Variants in KIAA1328 observed in about 807,000 individuals in gnomAD.
KIAA1328 encodes the protein KIAA1328.
Under a neutral mutation model 68.1 loss-of-function variants are expected in KIAA1328, and 52 were observed. The ratio of observed to expected loss-of-function variants is 0.76; its 90% CI spans 0.61 to 0.96. KIAA1328 has a LOEUF of 0.96. Ranked by LOEUF, KIAA1328 falls within the 40% of genes least tolerant of loss-of-function variation. The pLI, the probability that KIAA1328 is intolerant of heterozygous loss-of-function variation, is 0.00. For synonymous variants in KIAA1328, 232 were observed against 239.4 expected, an observed-to-expected ratio of 0.97 and a Z score of 0.28; for missense variants, 641 against 677.6, an observed-to-expected ratio of 0.95 and a Z score of 0.60.
downstream of KIAA1328, chr18:37,230,860 A>T (rs1230609045): frequency 6.6e-6 from 1 of 152,172 alleles, no homozygotes; most frequent in East Asian, 1.9e-4. Context: ...TTGTAACTTC[A>T]GTGCTTAAAA....
At chr18:36,886,879 A>G (rs766876443) in intron 5 of KIAA1328, among the ~76,000 whole-genome samples, 1 of 152,188 alleles carries the variant, frequency 6.6e-6, no homozygotes, top group Non-Finnish European at 1.5e-5. Flanking sequence ...GATAAATTAC[A>G]ATAATTAGCT....
Position 37,225,123 on chromosome 18 carries a change from A to T in KIAA1328, c.*2896A>T. 1 of 984,922 alleles carries T rather than the reference A, an allele frequency of 1.0e-6. No individual in the cohort carries two copies. The highest frequency in any genetic ancestry group is 1.2e-6 in the Non-Finnish European group (1 of 829,760). The allele number at this position is 984,922 out of a possible 1,614,324, so 61.0% of individuals were successfully genotyped here. On this transcript the variant is annotated 3_prime_UTR_variant, in exon 10 of 10. Coordinates refer to ENST00000280020, the MANE Select transcript of KIAA1328 (RefSeq NM_020776.3). ...TGTCCCTGCTTCCGGCACCAAGTTC[A>T]TAATAGAGATCTTCTGGCCAGAGAA... is the stretch of plus-strand genomic sequence containing the variant.
intron 5 of KIAA1328, among the ~76,000 whole-genome samples, chr18:36,953,953 G>A (rs1297780098): frequency 1.3e-5 from 2 of 149,192 alleles, no homozygotes; most frequent in African/African-American, 4.9e-5. Context: ...CAGGCCAAGT[G>A]CTTTGCAAAA....
At chr18:36,840,956 C>T (rs1600937290) in intron 3 of KIAA1328, among the ~76,000 whole-genome samples, 1 of 152,250 alleles carries the variant, frequency 6.6e-6, no homozygotes, top group Non-Finnish European at 1.5e-5. Flanking sequence ...TCAGATTTCA[C>T]TACAGTCTGG....
At chr18:37,207,745 C>T (rs2060242681) in intron 9 of KIAA1328, among the ~76,000 whole-genome samples, 1 of 152,196 alleles carries the variant, frequency 6.6e-6, no homozygotes, top group Admixed American at 6.5e-5. Flanking sequence ...ACCTGGAGCA[C>T]GTGAATGGGT....
At position 37,045,936 on chromosome 18, in the gene KIAA1328, G is replaced by T. The variant is rs549658480; in HGVS notation, c.577-20954G>T. 7.9e-5 allele frequency among the ~76,000 whole-genome samples: 12 copies of T among 152,254 alleles called. No homozygotes were observed. The East Asian group carries it at 2.3e-3, about 29-fold the overall frequency. On this transcript the variant is annotated intron_variant, in intron 6 of 9. Transcript: ENST00000280020. ...TTCCACTGTTGCTCATATCAGGTGG[G>T]TGCAAGTCTATGTGTTCACCTAGTG...
At chr18:37,160,637 G>A (rs572217927) in intron 8 of KIAA1328, among the ~76,000 whole-genome samples, 2 of 152,170 alleles carry the variant, frequency 1.3e-5, no homozygotes, top group African/African-American at 4.8e-5. Context: ...GAATTAGTCA[G>A]CAGTAAGTAT....
intron 4 of KIAA1328, among the ~76,000 whole-genome samples, chr18:36,868,148 C>G (rs1461046475): frequency 6.6e-6 from 1 of 152,088 alleles, no homozygotes; most frequent in African/African-American, 2.4e-5. Flanking sequence ...TAATGAAAGA[C>G]AGAAGCCACA....
At position 37,172,978 on chromosome 18, in the gene KIAA1328, G is replaced by A. The variant is rs2059529593; in HGVS notation, c.1420G>A (p.Val474Met). ...KDTCRPQRGT[V>M]TGVRKDASTS... ...TTTCTTTATTTTTCATATAGGGACA[G>A]TGACAGGAGTTAGAAAAGATGCGTC... Residue 474 changes from valine to methionine, a missense_variant, in exon 9 of 10, where the codon GTG (valine) becomes ATG (methionine). Coordinates refer to ENST00000280020, the MANE Select transcript of KIAA1328 (RefSeq NM_020776.3). 1 of 1,609,094 alleles carries A rather than the reference G, an allele frequency of 6.2e-7. No individual in the cohort carries two copies. The highest frequency in any genetic ancestry group is 2.2e-5 in the East Asian group (1 of 44,814).
At chr18:37,049,946 C>T (rs2055624039) in intron 6 of KIAA1328, among the ~76,000 whole-genome samples, 1 of 152,196 alleles carries the variant, frequency 6.6e-6, no homozygotes, top group Admixed American at 6.5e-5. Flanking sequence ...CTGATCTCCC[C>T]TGCAGGGACA....
chr18:36,995,824 A>G (rs2053368311), intron 6 of KIAA1328, among the ~76,000 whole-genome samples: 1 of 152,176 alleles, frequency 6.6e-6, no homozygotes, highest in South Asian at 2.1e-4. Context: ...TTCTTTCACT[A>G]GTGATTTTTA....
chr18:37,038,229 G>A (rs894397166), intron 6 of KIAA1328, among the ~76,000 whole-genome samples: 1 of 152,106 alleles, frequency 6.6e-6, no homozygotes, highest in Non-Finnish European at 1.5e-5. Flanking sequence ...GCTTATCTAT[G>A]CTTGCAGCTT....
intron 3 of KIAA1328, among the ~76,000 whole-genome samples, chr18:36,837,927 C>T (rs1265742258): frequency 6.6e-6 from 1 of 152,102 alleles, no homozygotes; most frequent in East Asian, 1.9e-4. Context: ...TCTCTGTATT[C>T]TGTTCCATTG....
intron 6 of KIAA1328, among the ~76,000 whole-genome samples, chr18:36,982,624 G>C (rs1168500375): frequency 6.6e-6 from 1 of 151,902 alleles, no homozygotes; most frequent in Admixed American, 6.6e-5. Context: ...GTCCACACTA[G>C]TAGAAATGTT....
At chr18:36,943,694 C>G (rs912084699) in intron 5 of KIAA1328, among the ~76,000 whole-genome samples, 1 of 152,058 alleles carries the variant, frequency 6.6e-6, no homozygotes, top group African/African-American at 2.4e-5. Context: ...TTAATTGATG[C>G]CAGTTGGAGA....
intron 6 of KIAA1328, among the ~76,000 whole-genome samples, chr18:36,986,453 G>A (rs908971080): frequency 2.9e-5 from 4 of 139,452 alleles, no homozygotes; most frequent in Non-Finnish European, 6.1e-5. Context: ...AACACCAAAA[G>A]CAATGGCAAC....
At chr18:37,110,611 C>T (rs763265796) in intron 7 of KIAA1328, among the ~76,000 whole-genome samples, 4 of 152,190 alleles carry the variant, frequency 2.6e-5, no homozygotes, top group Non-Finnish European at 5.9e-5. Context: ...TTCAGCACAA[C>T]TGGATACACT....
At chr18:37,025,703 C>A (rs1345303929) in intron 6 of KIAA1328, among the ~76,000 whole-genome samples, 1 of 152,142 alleles carries the variant, frequency 6.6e-6, no homozygotes, top group Non-Finnish European at 1.5e-5. Flanking sequence ...ATACCAGAAT[C>A]TCTGGGACAT....
chr18:37,113,570 A>G (rs1235052600), intron 7 of KIAA1328, among the ~76,000 whole-genome samples: 1 of 152,230 alleles, frequency 6.6e-6, no homozygotes, highest in African/African-American at 2.4e-5. Flanking sequence ...AATTGTAAAG[A>G]CCATTGATGC....
Sources: allele counts gnomAD v4.1 joint callset (sites outside exome capture counted in the v4.1 genomes callset), GRCh38; gene constraint gnomAD v4.1.1; transcripts MANE v1.5; gene names NCBI Gene and HGNC (gene_info 2026-07-23, HGNC 2026-07-21).